Variants in DTWD2 observed in about 807,000 individuals in gnomAD.
DTWD2 encodes the protein tRNA-uridine aminocarboxypropyltransferase 2.
Under a neutral mutation model 31.8 loss-of-function variants are expected in DTWD2, and 39 were observed. The ratio of observed to expected loss-of-function variants is 1.22; its 90% confidence interval spans 0.95 to 1.60. The LOEUF (loss-of-function observed/expected upper bound fraction) is 1.60. Among genes scored for constraint, DTWD2 ranks in the 40% most tolerant of loss-of-function variants. The pLI is 0.00. For missense variants in DTWD2, 515 were observed against 381.5 expected (o/e 1.35, Z -2.92); for synonymous variants, 180 against 142.8 (o/e 1.26, Z -1.86).
intron 5 of DTWD2, among the ~76,000 whole-genome samples, chr5:118,843,939 A>G (rs752127760): frequency 3.3e-5 from 5 of 152,224 alleles, no homozygotes; most frequent in Non-Finnish European, 7.3e-5. Flanking sequence ...TACAACTAAT[A>G]CGTGTCACCT....
At chr5:118,931,866 A>G (rs115668622) in intron 3 of DTWD2, among the ~76,000 whole-genome samples, 3,457 of 152,294 alleles carry the variant, frequency 0.023, 138 homozygotes, top group African/African-American at 0.079. Context: ...AATTTAAAAT[A>G]GAAATCATAC....
chr5:118,849,016 T>C (rs755338490), intron 4 of DTWD2, among the ~76,000 whole-genome samples: 25 of 152,090 alleles, frequency 1.6e-4, no homozygotes, highest in Non-Finnish European at 3.4e-4. Context: ...AAAGCCAAAA[T>C]TGACAAATGG....
chr5:118,943,018 G>A (rs149753290), intron 2 of DTWD2, among the ~76,000 whole-genome samples: 109 of 152,136 alleles, frequency 7.2e-4, no homozygotes, highest in Non-Finnish European at 1.4e-3. Context: ...TGCCCAGGCT[G>A]GTCTCAAACT....
At chr5:118,880,552 T>C (rs1561438842) in intron 4 of DTWD2, among the ~76,000 whole-genome samples, 1 of 152,162 alleles carries the variant, frequency 6.6e-6, no homozygotes, top group Non-Finnish European at 1.5e-5. Context: ...TTCTCATATA[T>C]TTGTTGGGCT....
rs190016177 is a variant in DTWD2 at position 118,852,359 on chromosome 5, G to A, written c.598-4141C>T. Reference sequence around the variant, plus strand: ...CAGCTTATGAAGATAAGAGGATTAAGAGATTAAAGTAAGACAGGTGTAAGA... The same window carrying A: ...CAGCTTATGAAGATAAGAGGATTAAAAGATTAAAGTAAGACAGGTGTAAGA... On this transcript the variant is annotated intron_variant, in intron 4 of 5. Transcript: ENST00000510708. 5.3e-5 allele frequency among the ~76,000 whole-genome samples: 8 copies of A among 151,972 alleles called. No individual in the cohort carries two copies. In the East Asian group the frequency reaches 1.5e-3, roughly 29 times the overall value.
chr5:118,860,499 A>T (rs527757409), intron 4 of DTWD2, among the ~76,000 whole-genome samples: 1 of 152,222 alleles, frequency 6.6e-6, no homozygotes, highest in East Asian at 1.9e-4. Context: ...AAGAAAAATA[A>T]TAAATAGCTT....
intron 1 of DTWD2, among the ~76,000 whole-genome samples, chr5:118,948,739 G>T (rs1198002909): frequency 1.3e-5 from 2 of 152,172 alleles, no homozygotes; most frequent in Non-Finnish European, 2.9e-5. Flanking sequence ...TAATGAAAAG[G>T]GTTGGGATTA....
chr5:118,956,344 A>G (rs2149591043), intron 1 of DTWD2, among the ~76,000 whole-genome samples: 1 of 152,352 alleles, frequency 6.6e-6, no homozygotes, highest in South Asian at 2.1e-4. Flanking sequence ...CCTTCAAATC[A>G]TTTCCCCAAG....
chr5:118,967,467 G>A (rs960976524), intron 1 of DTWD2, among the ~76,000 whole-genome samples: 16 of 152,126 alleles, frequency 1.1e-4, no homozygotes, highest in African/African-American at 3.9e-4. Flanking sequence ...TTCTAGGGCT[G>A]GGGCAGGGAA....
chr5:118,961,820 G>C lies in DTWD2; in HGVS notation c.219-17171C>G, dbSNP rs973940894. Among the ~76,000 whole-genome samples, 10 of 152,078 alleles carry C rather than the reference G, an allele frequency of 6.6e-5. 1 individual carries two copies. Among genetic ancestry groups the C allele is most frequent in the Admixed American group, 5.2e-4 (8 of 15,264 alleles). ...CATCAATGTCCATTTTCTCAAAAAAGCACAAAGACAGTTAAAAATTTTCTT... is the reference window on the plus strand; with the variant it reads ...CATCAATGTCCATTTTCTCAAAAAACCACAAAGACAGTTAAAAATTTTCTT... On this transcript the variant is annotated intron_variant, in intron 1 of 5. Coordinates refer to ENST00000510708, the MANE Select transcript of DTWD2 (RefSeq NM_173666.4).
chr5:118,969,713 T>C (rs1440889910), intron 1 of DTWD2, among the ~76,000 whole-genome samples: 1 of 152,104 alleles, frequency 6.6e-6, no homozygotes, highest in Non-Finnish European at 1.5e-5. Context: ...AGAAGGTAGA[T>C]AAGCCCACAA....
At chr5:118,863,542 A>C (rs2149545847) in intron 4 of DTWD2, among the ~76,000 whole-genome samples, 1 of 152,348 alleles carries the variant, frequency 6.6e-6, no homozygotes, top group Admixed American at 6.5e-5. Context: ...CAGTTACTAT[A>C]ATTTCTGTGG....
At chr5:118,880,596 T>C (rs1409772137) in intron 4 of DTWD2, among the ~76,000 whole-genome samples, 2 of 152,148 alleles carry the variant, frequency 1.3e-5, no homozygotes. Flanking sequence ...CACTGGAAAA[T>C]ATATACTAAA....
At chr5:118,917,587 T>C (rs1753607924) in intron 4 of DTWD2, among the ~76,000 whole-genome samples, 1 of 152,134 alleles carries the variant, frequency 6.6e-6, no homozygotes, top group African/African-American at 2.4e-5. Context: ...TTAGGAAACT[T>C]ACATTCATGG....
At chr5:118,904,167 A>G (rs906790364) in intron 4 of DTWD2, among the ~76,000 whole-genome samples, 5 of 152,068 alleles carry the variant, frequency 3.3e-5, no homozygotes, top group African/African-American at 1.2e-4. Context: ...GCTGTCACAG[A>G]CTGTTAGTGG....
At chr5:118,844,387 G>A (rs1355938551) in intron 5 of DTWD2, among the ~76,000 whole-genome samples, 2 of 152,180 alleles carry the variant, frequency 1.3e-5, no homozygotes, top group African/African-American at 4.8e-5. Context: ...TCCAAGGTAT[G>A]AAAAGTCCTG....
Position 118,838,609 on chromosome 5 carries a change from A to C in DTWD2, c.*2308T>G, listed in dbSNP as rs190012122. 185 of 152,300 alleles carry C rather than the reference A, an allele frequency of 1.2e-3. No individual in the cohort carries two copies. Among genetic ancestry groups the C allele is most frequent in the African/African-American group, 4.3e-3 (178 of 41,574 alleles). The allele number at this position is 152,300 out of a possible 1,614,324, so 9.4% of individuals were successfully genotyped here. A position where few individuals can be genotyped will look rare whatever the true frequency, so the allele number is the denominator to read the frequency against. On this transcript the variant is annotated 3_prime_UTR_variant, in exon 6 of 6. Transcript: ENST00000510708. ...AAGCATTTTATACCACAGATGATTAAATGGACTCACCTTGTTAAGAGGTCA... is the reference window on the plus strand; with the variant it reads ...AAGCATTTTATACCACAGATGATTACATGGACTCACCTTGTTAAGAGGTCA...
chr5:118,922,744 C>T (rs1397733927), intron 4 of DTWD2, among the ~76,000 whole-genome samples: 1 of 152,042 alleles, frequency 6.6e-6, no homozygotes, highest in African/African-American at 2.4e-5. Flanking sequence ...TTTTTGTTTG[C>T]TTAGTCACAC....
intron 4 of DTWD2, among the ~76,000 whole-genome samples, chr5:118,888,342 T>A (rs1752910636): frequency 6.6e-6 from 1 of 152,224 alleles, no homozygotes; most frequent in South Asian, 2.1e-4. Flanking sequence ...TTTATATAAA[T>A]GAAATTATAC....
Sources: gnomAD v4.1 joint callset for allele counts (sites outside exome capture counted in the v4.1 genomes callset) on GRCh38, gnomAD v4.1.1 for gene constraint, MANE v1.5 for transcripts, NCBI Gene and HGNC (gene_info 2026-07-23, HGNC 2026-07-21) for gene names.